Variants in CABIN1 observed in about 807,000 individuals in gnomAD.
CABIN1 encodes calcineurin binding protein 1.
In CABIN1, 133 loss-of-function variants were observed where a neutral mutation model predicts 227.7. The observed-to-expected ratio is 0.58, with a 90% CI of 0.51 to 0.67. The LOEUF (loss-of-function observed/expected upper bound fraction) is 0.67, where lower values mean the gene tolerates loss of function less well. Among genes scored for constraint, CABIN1 ranks in the 30% least tolerant of loss-of-function variants. The pLI, the probability that CABIN1 is intolerant of heterozygous loss-of-function variation, is 0.00. For missense variants in CABIN1, 2,408 were observed against 2,852.5 expected (o/e 0.84, Z 3.55); for synonymous variants, 1,086 against 1,155.1 (o/e 0.94, Z 1.21).
intron 1 of CABIN1, among the ~76,000 whole-genome samples, chr22:24,015,081 T>C (rs1435682117): frequency 6.6e-6 from 1 of 151,782 alleles, no homozygotes. Flanking sequence ...CTGGCCAACA[T>C]GGTGAAACCC....
chr22:24,083,997 C>T (rs2040978080), intron 20 of CABIN1, among the ~76,000 whole-genome samples: 2 of 152,154 alleles, frequency 1.3e-5, no homozygotes, highest in South Asian at 4.1e-4. Flanking sequence ...TAGGACAGAG[C>T]CCCTGCTGTG....
chr22:24,108,008 G>A (rs1475733702), intron 26 of CABIN1, among the ~76,000 whole-genome samples: 1 of 152,246 alleles, frequency 6.6e-6, no homozygotes, highest in Non-Finnish European at 1.5e-5. Context: ...GGCCTCACGA[G>A]CATTGTCTAA....
At chr22:24,103,174 AGT>A (rs764040116) in intron 26 of CABIN1, 10 of 151,760 alleles carry the variant, frequency 6.6e-5, no homozygotes, top group Non-Finnish European at 1.3e-4. Flanking sequence ...TGATTTGGAG[AGT>A]GTGTTTGATG....
intron 19 of CABIN1, 34 bp downstream of exon 19, chr22:24,076,318 T>G (rs545849263): frequency 7.7e-6 from 12 of 1,557,320 alleles, no homozygotes; most frequent in South Asian, 1.1e-5. Flanking sequence ...AGACTGCCAG[T>G]GCGGGGCAGG....
intron 29 of CABIN1, chr22:24,156,389 G>C (rs944137374): frequency 1.1e-5 from 3 of 284,290 alleles, no homozygotes; most frequent in African/African-American, 6.7e-5. Context: ...CGGCTTGGGC[G>C]GCGGCGCGCG....
At chr22:24,150,458 G>T (rs1328128551) in intron 29 of CABIN1, among the ~76,000 whole-genome samples, 3 of 152,186 alleles carry the variant, frequency 2.0e-5, no homozygotes, top group Non-Finnish European at 4.4e-5. Context: ...AGTGGGGAGG[G>T]CAGACTAGGC....
At chr22:24,098,249 G>T (rs1391268617) in intron 26 of CABIN1, 57 bp downstream of exon 26, 5 of 1,610,710 alleles carry the variant, frequency 3.1e-6, no homozygotes, top group Non-Finnish European at 3.4e-6. Flanking sequence ...TCACGGGGGG[G>T]TGCTCGGACG....
At chr22:24,069,957 G>C (rs1178263034) in intron 16 of CABIN1, among the ~76,000 whole-genome samples, 1 of 151,946 alleles carries the variant, frequency 6.6e-6, no homozygotes, top group Admixed American at 6.6e-5. Context: ...TCCTGTAGGT[G>C]TAACAAGCGT....
intron 1 of CABIN1, among the ~76,000 whole-genome samples, chr22:24,018,421 T>C (rs1485318458): frequency 1.3e-5 from 2 of 152,220 alleles, no homozygotes; most frequent in Admixed American, 1.3e-4. Context: ...AATTCACCAG[T>C]ATCTCCTTTA....
intron 16 of CABIN1, among the ~76,000 whole-genome samples, chr22:24,068,275 C>T (rs1366841133): frequency 1.3e-5 from 2 of 152,114 alleles, no homozygotes; most frequent in Non-Finnish European, 2.9e-5. Flanking sequence ...CCAAGATCAG[C>T]GGATGAGATG....
At chr22:24,155,157 T>C (rs957498747) in intron 29 of CABIN1, among the ~76,000 whole-genome samples, 2 of 152,120 alleles carry the variant, frequency 1.3e-5, no homozygotes, top group African/African-American at 4.8e-5. Flanking sequence ...TGGTAGACTG[T>C]CCCAGTGCAG....
At chr22:24,097,170 A>G (rs189252908) in intron 25 of CABIN1, among the ~76,000 whole-genome samples, 2 of 152,350 alleles carry the variant, frequency 1.3e-5, no homozygotes, top group Admixed American at 1.3e-4. Flanking sequence ...TTCATTGGTT[A>G]TAATTCTGTT....
chr22:24,021,904 C>T (rs935310369), intron 1 of CABIN1, among the ~76,000 whole-genome samples: 5 of 152,028 alleles, frequency 3.3e-5, no homozygotes, highest in East Asian at 1.9e-4. Context: ...AGGCTGGTCT[C>T]GAATCCCCGA....
chr22:24,094,505 A>G (rs2041754926), intron 24 of CABIN1, among the ~76,000 whole-genome samples: 1 of 152,188 alleles, frequency 6.6e-6, no homozygotes, highest in African/African-American at 2.4e-5. Context: ...GCTGGTAAAT[A>G]TGTATATCTT....
At position 24,167,260 on chromosome 22, in the gene CABIN1, G is replaced by A. The variant is rs1244467641; in HGVS notation, c.5629G>A (p.Asp1877Asn). The change falls in exon 32 of 37, where the codon GAC becomes AAC. Residue 1877 changes from aspartate to asparagine, a missense_variant. Physicochemically the swap from Asp to Asn is conservative, Grantham distance 23 (BLOSUM62 1). This residue lies in a region of CABIN1 where 714 missense variants were observed against 773.8 expected (regional missense o/e 0.92). Coordinates refer to ENST00000263119, the MANE Select transcript of CABIN1 (RefSeq NM_012295.4). ...WQQGQKGVAY[D>N]LGRVERIMSE... ...GCAGGGCCAGAAGGGTGTGGCCTATGACCTGGGCCGTGTGGAGAGGATCAT... is the reference window on the plus strand; with the variant it reads ...GCAGGGCCAGAAGGGTGTGGCCTATAACCTGGGCCGTGTGGAGAGGATCAT... 5 of 1,613,350 alleles carry A rather than the reference G, an allele frequency of 3.1e-6. No individual in the cohort carries two copies. Among genetic ancestry groups the A allele is most frequent in the African/African-American group, 1.3e-5 (1 of 74,948 alleles).
In CABIN1 at chr22:24,178,357, C is replaced by A. The variant is rs781483076; in HGVS notation, c.*161C>A. On this transcript the variant is annotated 3_prime_UTR_variant, in exon 37 of 37. Coordinates refer to ENST00000263119, the MANE Select transcript of CABIN1 (RefSeq NM_012295.4). ...CCTCCTCATGGCATCCTCCCTGTAC[C>A]CAGGTCAGGCTGTCCACACCACATG... 16 of 848,594 alleles carry A rather than the reference C, an allele frequency of 1.9e-5. No homozygotes were observed. The highest frequency in any genetic ancestry group is 2.4e-5 in the Non-Finnish European group (13 of 550,036). 52.6% of individuals were successfully genotyped at this position (848,594 alleles called of 1,614,324 possible). A position where few individuals can be genotyped will look rare whatever the true frequency, so the allele number is the denominator to read the frequency against.
In CABIN1 at chr22:24,145,129, G is replaced by T. The variant is rs564572018; in HGVS notation, c.4746+10714G>T. Among the ~76,000 whole-genome samples the T allele has an allele frequency of 5.1e-4, 77 of 152,194 alleles. 1 individual carries two copies. The highest frequency in any genetic ancestry group is 7.5e-4 in the Non-Finnish European group (51 of 68,034). On this transcript the variant is annotated intron_variant, in intron 29 of 36. Transcript: ENST00000263119. ...GGCCTCGCAGAGTTGCATGCTATAC[G>T]CAGTGGTGGGTGGCCAGCTGGCCAC...
intron 26 of CABIN1, chr22:24,102,326 TCTGC>T (rs1222041451): frequency 2.6e-5 from 4 of 152,252 alleles, no homozygotes; most frequent in African/African-American, 9.6e-5. Context: ...ATCCTTGCTC[TCTGC>T]CTGTCGTGCT....
At chr22:24,072,688 G>A (rs2146768944) in intron 18 of CABIN1, among the ~76,000 whole-genome samples, 178 bp downstream of exon 18, 1 of 152,346 alleles carries the variant, frequency 6.6e-6, no homozygotes, top group East Asian at 1.9e-4. Flanking sequence ...CTCCCTGAGG[G>A]AGCTTACTGT....
Sources: gnomAD v4.1 joint callset for allele counts (sites outside exome capture counted in the v4.1 genomes callset) on GRCh38, gnomAD v4.1.1 for gene constraint, gnomAD v4.1.1 regional missense constraint, MANE v1.5 for transcripts, NCBI Gene and HGNC (gene_info 2026-07-23, HGNC 2026-07-21) for gene names.